The following GALNTL6 variants were observed in gnomAD, a reference collection of about 807,000 sequenced individuals.
GALNTL6 encodes polypeptide N-acetylgalactosaminyltransferase like 6, also known as polypeptide N-acetylgalactosaminyltransferase-like 6.
Under a neutral mutation model 73.7 loss-of-function variants are expected in GALNTL6, and 46 were observed. The ratio of observed to expected loss-of-function variants is 0.62; its 90% CI spans 0.49 to 0.80. The LOEUF (loss-of-function observed/expected upper bound fraction) is 0.80. Among genes scored for constraint, GALNTL6 ranks in the 30% least tolerant of loss-of-function variants. The pLI, the probability that GALNTL6 is intolerant of heterozygous loss-of-function variation, is 0.00. For synonymous variants in GALNTL6, 259 were observed against 263.7 expected (o/e 0.98, Z 0.17); for missense variants, 604 against 755.0 (o/e 0.80, Z 2.34).
intron 5 of GALNTL6, among the ~76,000 whole-genome samples, chr4:172,422,725 A>T (rs1356512439): frequency 6.6e-6 from 1 of 151,730 alleles, no homozygotes; most frequent in Admixed American, 6.6e-5. Context: ...GGATAATCCA[A>T]ACTCAACATA....
chr4:172,737,314 T>A (rs1284221701), intron 5 of GALNTL6, among the ~76,000 whole-genome samples: 2 of 152,152 alleles, frequency 1.3e-5, no homozygotes, highest in South Asian at 2.1e-4. Context: ...ATTCTTTTTT[T>A]TTCCTTTTTC....
intron 5 of GALNTL6, among the ~76,000 whole-genome samples, chr4:172,552,842 A>AAAAAAAC (rs1736006753): frequency 6.7e-6 from 1 of 149,222 alleles, no homozygotes; most frequent in East Asian, 2.0e-4. Flanking sequence ...TGCAGTAAAA[A>AAAAAAAC]AAAAAAAAAA....
chr4:173,039,721 G>C (rs1370813298), intron 12 of GALNTL6, among the ~76,000 whole-genome samples: 1 of 152,152 alleles, frequency 6.6e-6, no homozygotes, highest in South Asian at 2.1e-4. Context: ...AATTGAACCT[G>C]CTTGTAGGCC....
At chr4:172,301,916 G>A (rs1206109954) in intron 3 of GALNTL6, among the ~76,000 whole-genome samples, 2 of 152,204 alleles carry the variant, frequency 1.3e-5, no homozygotes, top group African/African-American at 4.8e-5. Flanking sequence ...GGACATTTAA[G>A]TCTGCAGAGG....
intron 2 of GALNTL6, among the ~76,000 whole-genome samples, chr4:171,936,652 G>A (rs1422898307): frequency 1.3e-5 from 2 of 151,990 alleles, no homozygotes; most frequent in Non-Finnish European, 2.9e-5. Context: ...AAACTTGTTG[G>A]AAACCAAGAC....
intron 5 of GALNTL6, among the ~76,000 whole-genome samples, chr4:172,749,860 A>G (rs1737327417): frequency 7.7e-6 from 1 of 129,492 alleles, no homozygotes; most frequent in East Asian, 1.9e-4. Context: ...TGTAGACTCA[A>G]CCTTTTAATT....
At chr4:172,129,789 A>C (rs1733404297) in intron 2 of GALNTL6, among the ~76,000 whole-genome samples, 1 of 152,210 alleles carries the variant, frequency 6.6e-6, no homozygotes, top group Non-Finnish European at 1.5e-5. Context: ...AAGTAAAAAA[A>C]GAACTTGCCA....
At chr4:172,896,175 G>A (rs566321850) in intron 8 of GALNTL6, among the ~76,000 whole-genome samples, 1 of 152,244 alleles carries the variant, frequency 6.6e-6, no homozygotes, top group East Asian at 1.9e-4. Flanking sequence ...TCTTCTTGAT[G>A]CTTGTGGATA....
At chr4:172,385,778 T>C (rs541422897) in intron 5 of GALNTL6, among the ~76,000 whole-genome samples, 19 of 152,168 alleles carry the variant, frequency 1.2e-4, no homozygotes, top group African/African-American at 4.1e-4. Flanking sequence ...ACTGGTAAGA[T>C]AGAATTTGTA....
At chr4:172,235,657 T>C (rs1321957194) in intron 3 of GALNTL6, among the ~76,000 whole-genome samples, 1 of 152,238 alleles carries the variant, frequency 6.6e-6, no homozygotes, top group Non-Finnish European at 1.5e-5. Flanking sequence ...ACATTTATTT[T>C]TGTTTCAGGG....
chr4:171,906,694 A>G (rs1737290277), intron 2 of GALNTL6, among the ~76,000 whole-genome samples: 1 of 152,200 alleles, frequency 6.6e-6, no homozygotes, highest in Non-Finnish European at 1.5e-5. Context: ...ACAACCAAAA[A>G]AGAGAATTTT....
chr4:172,378,276 C>G (rs1270042383), intron 5 of GALNTL6, among the ~76,000 whole-genome samples: 1 of 152,160 alleles, frequency 6.6e-6, no homozygotes, highest in Non-Finnish European at 1.5e-5. Context: ...CAGGAATAGA[C>G]CCTGATGCTT....
intron 5 of GALNTL6, among the ~76,000 whole-genome samples, chr4:172,373,013 G>C (rs1488304996): frequency 6.6e-6 from 1 of 152,212 alleles, no homozygotes; most frequent in Non-Finnish European, 1.5e-5. Context: ...TGATCGGCTA[G>C]AAAGTTCAAG....
At chr4:172,314,027 A>G (rs1740458939) in intron 4 of GALNTL6, among the ~76,000 whole-genome samples, 1 of 152,202 alleles carries the variant, frequency 6.6e-6, no homozygotes, top group African/African-American at 2.4e-5. Context: ...TTAAAGTACT[A>G]TGCTTTTGAC....
chr4:172,752,581 C>A (rs189558555), intron 5 of GALNTL6, among the ~76,000 whole-genome samples: 1,720 of 152,006 alleles, frequency 0.011, 18 homozygotes, highest in Non-Finnish European at 0.018. Flanking sequence ...ATATTTTTTA[C>A]AATTATGTTT....
At chr4:172,890,936 T>C (rs1745996543) in intron 8 of GALNTL6, among the ~76,000 whole-genome samples, 1 of 152,256 alleles carries the variant, frequency 6.6e-6, no homozygotes, top group African/African-American at 2.4e-5. Flanking sequence ...TTTGTCATTA[T>C]GTAATGACCT....
intron 5 of GALNTL6, among the ~76,000 whole-genome samples, chr4:172,450,429 C>T (rs1732170055): frequency 6.6e-6 from 1 of 152,192 alleles, no homozygotes; most frequent in Non-Finnish European, 1.5e-5. Context: ...GATCCTTGCA[C>T]AGGCTATTGT....
chr4:171,901,446 C>T (rs1427937711), intron 2 of GALNTL6, among the ~76,000 whole-genome samples: 2 of 152,174 alleles, frequency 1.3e-5, no homozygotes, highest in Admixed American at 1.3e-4. Flanking sequence ...AGCCATGAAA[C>T]AGCAGGGAAA....
chr4:172,917,560 CA>C (rs1747587417), intron 8 of GALNTL6, among the ~76,000 whole-genome samples: 1 of 152,032 alleles, frequency 6.6e-6, no homozygotes, highest in East Asian at 1.9e-4. Flanking sequence ...ACGAAAAAAA[CA>C]AACAACCCCA....
Sources: gnomAD v4.1 joint callset for allele counts (sites outside exome capture counted in the v4.1 genomes callset) on GRCh38, gnomAD v4.1.1 for gene constraint, MANE v1.5 for transcripts, NCBI Gene and HGNC (gene_info 2026-07-23, HGNC 2026-07-21) for gene names.